LUZP2: variants seen among roughly 807,000 people sequenced by gnomAD.
The protein encoded by LUZP2 is leucine zipper protein 2.
A neutral mutation model predicts 51.6 loss-of-function variants in LUZP2; 52 were observed. The ratio of observed to expected loss-of-function variants is 1.01; its 90% CI spans 0.81 to 1.27. LUZP2 has a LOEUF of 1.27. Ranked by LOEUF, LUZP2 falls within the 50% of genes most tolerant of loss-of-function variation. The pLI is 0.00. For missense variants in LUZP2, 436 were observed against 395.4 expected (o/e 1.10, Z -0.87); for synonymous variants, 154 against 137.3 (o/e 1.12, Z -0.85).
intron 1 of LUZP2, among the ~76,000 whole-genome samples, chr11:24,609,627 G>T (rs1421326338): frequency 6.7e-6 from 1 of 149,214 alleles, no homozygotes; most frequent in East Asian, 2.0e-4. Flanking sequence ...CTACTCGGAA[G>T]GCTGAGGCAC....
chr11:24,630,673 C>CTA (rs375008402), intron 1 of LUZP2, among the ~76,000 whole-genome samples: 28,368 of 131,450 alleles, frequency 0.22, 3,479 homozygotes, highest in East Asian at 0.42. Context: ...GCTATTCCGA[C>CTA]TTTTTTTTTT....
chr11:25,037,669 C>A (rs1459212610), intron 9 of LUZP2, among the ~76,000 whole-genome samples: 2 of 152,084 alleles, frequency 1.3e-5, no homozygotes, highest in Admixed American at 6.6e-5. Flanking sequence ...AACATATTTC[C>A]TGTCACATGC....
At chr11:24,899,322 T>A (rs1853197474) in intron 5 of LUZP2, among the ~76,000 whole-genome samples, 1 of 152,002 alleles carries the variant, frequency 6.6e-6, no homozygotes, top group Non-Finnish European at 1.5e-5. Context: ...TGTAGGATAT[T>A]TGAGTTGATA....
chr11:24,827,412 T>C (rs187982074), intron 5 of LUZP2, among the ~76,000 whole-genome samples: 1 of 152,292 alleles, frequency 6.6e-6, no homozygotes, highest in East Asian at 1.9e-4. Context: ...ATTAATTTAT[T>C]ACCAACATTT....
intron 5 of LUZP2, among the ~76,000 whole-genome samples, chr11:24,858,988 T>C (rs925456171): frequency 4.6e-5 from 7 of 152,224 alleles, no homozygotes; most frequent in African/African-American, 1.7e-4. Context: ...ATTATTGATA[T>C]ATTGTATCTA....
chr11:24,717,414 T>G (rs1395164093), intron 1 of LUZP2, among the ~76,000 whole-genome samples: 2 of 150,956 alleles, frequency 1.3e-5, no homozygotes, highest in Non-Finnish European at 1.5e-5. Flanking sequence ...CAATAGTTTT[T>G]TTTTTTTTTT....
In LUZP2 at chr11:24,679,028, A is replaced by G. The variant is rs953949290; in HGVS notation, c.63-50141A>G. On this transcript the variant is annotated intron_variant, in intron 1 of 11. Transcript: ENST00000336930. Reference sequence around the variant, plus strand: ...TATTTTTCATTTCTAACTTCTGATTATAATAACATTGTCAGTAAGCTTATA... The same window carrying G: ...TATTTTTCATTTCTAACTTCTGATTGTAATAACATTGTCAGTAAGCTTATA... Among the ~76,000 whole-genome samples the G allele has an allele frequency of 2.6e-5, 4 of 152,228 alleles. No individual in the cohort carries two copies. The East Asian group carries it at 7.7e-4, about 29-fold the overall frequency.
intron 7 of LUZP2, among the ~76,000 whole-genome samples, chr11:24,960,117 A>T (rs1203735858): frequency 6.6e-6 from 1 of 152,122 alleles, no homozygotes; most frequent in Non-Finnish European, 1.5e-5. Flanking sequence ...ATCATGGTGG[A>T]TAAGCTTTTT....
chr11:24,795,414 A>G (rs1849519839), intron 5 of LUZP2, among the ~76,000 whole-genome samples: 1 of 152,160 alleles, frequency 6.6e-6, no homozygotes, highest in African/African-American at 2.4e-5. Flanking sequence ...TATGAGAAAT[A>G]AGAAGAAAAG....
chr11:25,070,164 A>C (rs1390416088), intron 10 of LUZP2, among the ~76,000 whole-genome samples: 1 of 151,984 alleles, frequency 6.6e-6, no homozygotes. Context: ...AGCCAGCAGT[A>C]TACATAGCAA....
intron 1 of LUZP2, among the ~76,000 whole-genome samples, chr11:24,546,887 G>A (rs1851562273): frequency 6.6e-6 from 1 of 151,836 alleles, no homozygotes; most frequent in Non-Finnish European, 1.5e-5. Context: ...CAATTCAGCT[G>A]TGAATCTATC....
At chr11:24,921,930 T>G (rs1388211861) in intron 7 of LUZP2, among the ~76,000 whole-genome samples, 3 of 152,054 alleles carry the variant, frequency 2.0e-5, no homozygotes, top group Admixed American at 6.6e-5. Context: ...ACAGGAAAAT[T>G]TATGTGATCT....
At chr11:24,894,812 G>A (rs1852983892) in intron 5 of LUZP2, among the ~76,000 whole-genome samples, 1 of 152,086 alleles carries the variant, frequency 6.6e-6, no homozygotes, top group African/African-American at 2.4e-5. Flanking sequence ...TGTATGATAG[G>A]TTAACTGGGG....
chr11:24,699,767 C>A (rs983582274), intron 1 of LUZP2, among the ~76,000 whole-genome samples: 3 of 147,346 alleles, frequency 2.0e-5, no homozygotes, highest in Middle Eastern at 3.6e-3. Context: ...ATATATATAT[C>A]TCATATATAA....
At chr11:24,617,422 G>T (rs1854326278) in intron 1 of LUZP2, among the ~76,000 whole-genome samples, 1 of 152,056 alleles carries the variant, frequency 6.6e-6, no homozygotes, top group African/African-American at 2.4e-5. Context: ...TAAAATCTTT[G>T]TGAGATATTT....
At chr11:24,554,697 T>G (rs533295294) in intron 1 of LUZP2, among the ~76,000 whole-genome samples, 77 of 39,816 alleles carry the variant, frequency 1.9e-3, no homozygotes, top group African/African-American at 7.1e-3. Flanking sequence ...TCCTTGGTTA[T>G]TTAATTTTTT....
At chr11:24,678,812 T>C (rs1338981440) in intron 1 of LUZP2, among the ~76,000 whole-genome samples, 1 of 152,150 alleles carries the variant, frequency 6.6e-6, no homozygotes, top group Non-Finnish European at 1.5e-5. Flanking sequence ...GCTTGACAAA[T>C]GAGAGGTGAA....
intron 9 of LUZP2, among the ~76,000 whole-genome samples, chr11:25,032,401 T>A (rs914627098): frequency 2.6e-5 from 4 of 151,986 alleles, no homozygotes; most frequent in African/African-American, 7.2e-5. Context: ...TGAGTTTCAA[T>A]TTTTTTTCCT....
intron 5 of LUZP2, among the ~76,000 whole-genome samples, chr11:24,823,500 C>G (rs1424947605): frequency 6.6e-6 from 1 of 151,494 alleles, no homozygotes; most frequent in Non-Finnish European, 1.5e-5. Context: ...TGTAAGCAGG[C>G]CTGTATTATA....
Sources: allele counts gnomAD v4.1 joint callset (sites outside exome capture counted in the v4.1 genomes callset), GRCh38; gene constraint gnomAD v4.1.1; transcripts MANE v1.5; gene names NCBI Gene and HGNC (gene_info 2026-07-23, HGNC 2026-07-21).